Variants in SLC39A12 observed in about 807,000 individuals in gnomAD.
The protein encoded by SLC39A12 is solute carrier family 39 member 12.
SLC39A12 carries 63 observed loss-of-function variants against 71.1 expected under a neutral mutation model. The observed-to-expected ratio is 0.89, with a 90% CI of 0.72 to 1.09. SLC39A12 has a LOEUF of 1.09. Ranked by LOEUF, SLC39A12 falls within the 50% of genes least tolerant of loss-of-function variation. SLC39A12 has a pLI of 0.00. For synonymous variants in SLC39A12, 351 were observed against 301.3 expected, an observed-to-expected ratio of 1.16 and a Z score of -1.71; for missense variants, 892 against 812.6, an observed-to-expected ratio of 1.10 and a Z score of -1.19.
intron 3 of SLC39A12, among the ~76,000 whole-genome samples, chr10:17,962,080 C>T (rs1468953704): frequency 6.6e-6 from 1 of 152,114 alleles, no homozygotes; most frequent in African/African-American, 2.4e-5. Flanking sequence ...GCCAGAAGTT[C>T]GGTGGGTGGA....
intron 2 of SLC39A12, among the ~76,000 whole-genome samples, chr10:17,958,310 G>A (rs1554847966): frequency 6.6e-6 from 1 of 152,026 alleles, no homozygotes; most frequent in African/African-American, 2.4e-5. Flanking sequence ...CCTACTCCTT[G>A]CATCATAGAC....
intron 2 of SLC39A12, among the ~76,000 whole-genome samples, chr10:17,960,961 A>G (rs1247521535): frequency 6.6e-6 from 1 of 152,234 alleles, no homozygotes; most frequent in African/African-American, 2.4e-5. Flanking sequence ...TCTTGCTGCT[A>G]AAGAACTTCA....
chr10:17,954,162 C>T (rs2130766423), intron 2 of SLC39A12, among the ~76,000 whole-genome samples: 1 of 152,276 alleles, frequency 6.6e-6, no homozygotes, highest in South Asian at 2.1e-4. Context: ...ATAGGTTTCC[C>T]AGCATACCCA....
At chr10:17,954,320 C>A (rs1834484253) in intron 2 of SLC39A12, among the ~76,000 whole-genome samples, 1 of 152,164 alleles carries the variant, frequency 6.6e-6, no homozygotes, top group Non-Finnish European at 1.5e-5. Context: ...ATGGCATAAT[C>A]TTGGTTCACT....
intron 8 of SLC39A12, among the ~76,000 whole-genome samples, chr10:17,991,901 C>T (rs1835557980): frequency 6.6e-6 from 1 of 151,824 alleles, no homozygotes. Flanking sequence ...CCAGCCTGGC[C>T]AACATAGCGA....
intron 12 of SLC39A12, among the ~76,000 whole-genome samples, chr10:18,028,043 T>A (rs906649213): frequency 6.6e-6 from 1 of 152,236 alleles, no homozygotes; most frequent in Non-Finnish European, 1.5e-5. Flanking sequence ...AATGCAAATG[T>A]ATACCTGCCT....
intron 12 of SLC39A12, among the ~76,000 whole-genome samples, chr10:18,015,329 G>T (rs1162029805): frequency 6.6e-6 from 1 of 152,066 alleles, no homozygotes; most frequent in African/African-American, 2.4e-5. Flanking sequence ...CTAAAAAATT[G>T]AGATAAAAAA....
intron 4 of SLC39A12, among the ~76,000 whole-genome samples, chr10:17,967,049 A>G (rs978957240): frequency 1.1e-4 from 16 of 152,196 alleles, no homozygotes; most frequent in Admixed American, 5.9e-4. Flanking sequence ...GGATCAAAAT[A>G]AAGTCCATAA....
In SLC39A12 at chr10:17,961,692, C is replaced by G. The variant is rs782331684; in HGVS notation, c.373C>G (p.Gln125Glu). Residue 125 changes from glutamine to glutamate, a missense_variant, in exon 3 of 13, where the codon CAG (glutamine) becomes GAG (glutamate). By Grantham distance (29) the Gln-to-Glu change is conservative. Coordinates refer to ENST00000377369, the MANE Select transcript of SLC39A12 (RefSeq NM_001145195.2). ...TCTCCTTCTCTATTACATTATTCAT[C>G]AGGAAGAGATCTGTTCTTCAAAGCT... ...SLLLLYYIIH[Q>E]EEICSSKLNM... The G allele has an allele frequency of 1.9e-5, 31 of 1,613,834 alleles. No individual in the cohort carries two copies. The highest frequency in any genetic ancestry group is 2.4e-5 in the Non-Finnish European group (28 of 1,179,882).
At chr10:17,979,026 A>T (rs971864540) in intron 5 of SLC39A12, among the ~76,000 whole-genome samples, 3 of 152,206 alleles carry the variant, frequency 2.0e-5, no homozygotes, top group Non-Finnish European at 4.4e-5. Flanking sequence ...GTAATTCTCA[A>T]AACTAAAGAT....
At chr10:17,980,665 T>G (rs1247053037) in intron 5 of SLC39A12, among the ~76,000 whole-genome samples, 1 of 152,202 alleles carries the variant, frequency 6.6e-6, no homozygotes, top group Non-Finnish European at 1.5e-5. Context: ...GAAAACAAAT[T>G]GTAAAGATTT....
intron 12 of SLC39A12, among the ~76,000 whole-genome samples, chr10:18,035,936 G>A (rs1486563767): frequency 6.6e-6 from 1 of 152,152 alleles, no homozygotes; most frequent in Non-Finnish European, 1.5e-5. Context: ...CCCTGCTGGG[G>A]GGTGCCTCCC....
chr10:17,980,942 C>CT (rs1013550012), intron 5 of SLC39A12, among the ~76,000 whole-genome samples: 4 of 152,224 alleles, frequency 2.6e-5, no homozygotes, highest in African/African-American at 7.2e-5. Context: ...TGTATGAAGT[C>CT]TTTTTTAACA....
In SLC39A12 at chr10:17,961,815, G is replaced by A. The variant is rs782714669; in HGVS notation, c.496G>A (p.Asp166Asn). The A allele has an allele frequency of 6.2e-7, 1 of 1,614,094 alleles. No homozygotes were observed. The highest frequency in any genetic ancestry group is 1.7e-5 in the Admixed American group (1 of 60,016). The part of the protein sequence containing the change: ...SSFLSQNETE[D>N]ILAFTRQYFD... Reference sequence around the variant, plus strand: ...TTTCCTTTCACAGAATGAGACAGAAGATATCTTGGCTTTCACCAGGCAGTA... The same window carrying A: ...TTTCCTTTCACAGAATGAGACAGAAAATATCTTGGCTTTCACCAGGCAGTA... The change falls in exon 3 of 13, where the codon GAT (aspartate) becomes AAT (asparagine). Residue 166 changes from aspartate (D) to asparagine (N), a missense_variant. Transcript: ENST00000377369.
chr10:17,982,688 A>T (rs530334451), intron 6 of SLC39A12, among the ~76,000 whole-genome samples: 1 of 151,934 alleles, frequency 6.6e-6, no homozygotes, highest in African/African-American at 2.4e-5. Context: ...CAGAAAATGG[A>T]TGAAGACAGC....
Position 18,000,849 on chromosome 10 carries a change from G to C in SLC39A12, c.1759+24G>C, listed in dbSNP as rs536832878. On this transcript the variant is annotated intron_variant, in intron 11 of 12. Coordinates refer to ENST00000377369, the MANE Select transcript of SLC39A12 (RefSeq NM_001145195.2). ...GGGTAAGTTCAACAATGGAATTACT[G>C]TTTCTGGCCTGTTGAGAAAGAAATA... 2.9e-5 allele frequency: 47 copies of C among 1,605,618 alleles called. No individual in the cohort carries two copies. The South Asian group carries it at 4.8e-4, about 16-fold the overall frequency.
At chr10:17,959,264 A>C (rs367973638) in intron 2 of SLC39A12, among the ~76,000 whole-genome samples, 1 of 152,050 alleles carries the variant, frequency 6.6e-6, no homozygotes, top group Non-Finnish European at 1.5e-5. Context: ...AGGGATGCTG[A>C]GGTTTTACAG....
intron 12 of SLC39A12, among the ~76,000 whole-genome samples, chr10:18,036,962 T>A (rs1438705304): frequency 6.6e-6 from 1 of 151,320 alleles, no homozygotes; most frequent in African/African-American, 2.4e-5. Context: ...AATTTTTGTG[T>A]TTTTAATAGA....
At chr10:17,976,930 T>C (rs1835124753) in intron 4 of SLC39A12, among the ~76,000 whole-genome samples, 1 of 152,222 alleles carries the variant, frequency 6.6e-6, no homozygotes, top group Non-Finnish European at 1.5e-5. Flanking sequence ...TGCTAATATA[T>C]ATACATTGGT....
Sources: allele counts gnomAD v4.1 joint callset (sites outside exome capture counted in the v4.1 genomes callset), GRCh38; gene constraint gnomAD v4.1.1; transcripts MANE v1.5; gene names NCBI Gene and HGNC (gene_info 2026-07-23, HGNC 2026-07-21).